The following MAP2K5 variants were observed in gnomAD, a reference collection of about 807,000 sequenced individuals.
MAP2K5 encodes mitogen-activated protein kinase kinase 5.
A neutral mutation model predicts 83.1 loss-of-function variants in MAP2K5; 49 were observed. The ratio of observed to expected loss-of-function variants is 0.59; its 90% confidence interval spans 0.47 to 0.75. MAP2K5 has a LOEUF of 0.75. MAP2K5 is among the 30% of genes least tolerant of loss of function. MAP2K5 has a pLI of 0.00. For missense variants in MAP2K5, 457 were observed against 557.5 expected, an observed-to-expected ratio of 0.82 and a Z score of 1.82; for synonymous variants, 202 against 191.8, an observed-to-expected ratio of 1.05 and a Z score of -0.44.
intron 3 of MAP2K5, among the ~76,000 whole-genome samples, chr15:67,571,379 C>T (rs1302678481): frequency 2.0e-5 from 3 of 152,110 alleles, no homozygotes; most frequent in African/African-American, 2.4e-5. Context: ...CCCCACAATA[C>T]CTGTTTACTT....
At chr15:67,585,374 A>T (rs962333441) in intron 4 of MAP2K5, among the ~76,000 whole-genome samples, 1 of 152,236 alleles carries the variant, frequency 6.6e-6, no homozygotes, top group African/African-American at 2.4e-5. Context: ...TAATAAAATT[A>T]GTTATATATC....
chr15:67,748,473 C>A lies in MAP2K5; in HGVS notation c.1102-96C>A. Reference sequence around the variant, plus strand: ...AGTTTGCTGTTGTTGATTAATCTTGCTATATTTTATTGCATTAATGATTTT... The same window carrying A: ...AGTTTGCTGTTGTTGATTAATCTTGATATATTTTATTGCATTAATGATTTT... On this transcript the variant is annotated intron_variant, in intron 18 of 21. Coordinates refer to ENST00000178640, the MANE Select transcript of MAP2K5 (RefSeq NM_145160.3). This position sits in a 1 kb window ranked among gnomAD's most constrained non-coding sequence, Gnocchi z 4.0. 9.4e-7 allele frequency: 1 copy of A among 1,058,714 alleles called. No individual in the cohort carries two copies. Among genetic ancestry groups the A allele is most frequent in the East Asian group, 2.4e-5 (1 of 41,746 alleles). 65.6% of individuals were successfully genotyped at this position (1,058,714 alleles called of 1,614,324 possible). A position where few individuals can be genotyped will look rare whatever the true frequency, so the allele number is the denominator to read the frequency against.
chr15:67,554,199 A>G (rs555536569), intron 2 of MAP2K5, among the ~76,000 whole-genome samples: 2 of 152,168 alleles, frequency 1.3e-5, no homozygotes, highest in Non-Finnish European at 2.9e-5. Flanking sequence ...AGCTGGGACT[A>G]CAGGTGCATG....
chr15:67,641,328 T>A (rs1567329317), intron 9 of MAP2K5: 1 of 199,308 alleles, frequency 5.0e-6, no homozygotes, highest in African/African-American at 2.4e-5. Flanking sequence ...CCTCCCAAAT[T>A]TCCTTTCTGA....
chr15:67,599,109 T>C (rs2085594108), intron 7 of MAP2K5, among the ~76,000 whole-genome samples: 1 of 152,256 alleles, frequency 6.6e-6, no homozygotes, highest in Admixed American at 6.5e-5. Flanking sequence ...TTCATGCTGC[T>C]TTAAAATTTA....
Position 67,638,510 on chromosome 15 carries a change from G to A in MAP2K5, c.585+7583G>A, listed in dbSNP as rs938613997. Among the ~76,000 whole-genome samples the A allele has an allele frequency of 1.3e-5, 2 of 152,232 alleles. No individual in the cohort carries two copies. The highest frequency in any genetic ancestry group is 4.1e-4 in the South Asian group (2 of 4,822). ...AGGTTGATTCCATGTCTTTGCTATT[G>A]CGAATAGTGCTGCAATGACCATTTG... On this transcript the variant is annotated intron_variant, in intron 9 of 21. Transcript: ENST00000178640. The surrounding 1 kb of genome is among the most constrained non-coding windows in gnomAD (Gnocchi z 4.5).
At chr15:67,788,303 A>T (rs1189464209) in intron 21 of MAP2K5, among the ~76,000 whole-genome samples, 1 of 152,230 alleles carries the variant, frequency 6.6e-6, no homozygotes, top group African/African-American at 2.4e-5. Flanking sequence ...GGCCTCAGCC[A>T]GTCAGCAGCC....
intron 8 of MAP2K5, among the ~76,000 whole-genome samples, chr15:67,612,745 T>C (rs554942187): frequency 6.6e-6 from 1 of 152,286 alleles, no homozygotes; most frequent in South Asian, 2.1e-4. Context: ...TGCAGAATGG[T>C]AGCTGCAGCG....
chr15:67,646,136 A>T, intron 9 of MAP2K5, 95 bp from the exon 10 acceptor site: 1 of 571,234 alleles, frequency 1.8e-6, no homozygotes. Context: ...GGGGAAGAAT[A>T]AAGGAACTAC....
chr15:67,664,668 T>C, intron 13 of MAP2K5, 23 bp downstream of exon 13: 1 of 1,569,614 alleles, frequency 6.4e-7, no homozygotes, highest in Non-Finnish European at 8.7e-7. Flanking sequence ...CTTATAAGCT[T>C]GGATTTAATT....
At chr15:67,588,188 C>A in intron 6 of MAP2K5, 3 of 722,380 alleles carry the variant, frequency 4.2e-6, no homozygotes, top group African/African-American at 1.9e-5. Flanking sequence ...AGCTTGCTGG[C>A]CCACCTCTGT....
At chr15:67,712,104 T>TC (rs2088705274) in intron 16 of MAP2K5, among the ~76,000 whole-genome samples, 1 of 152,164 alleles carries the variant, frequency 6.6e-6, no homozygotes. Context: ...GAAGTCTGGG[T>TC]CCCATTACTA....
At chr15:67,718,261 A>C (rs1229423309) in intron 16 of MAP2K5, 1 of 152,216 alleles carries the variant, frequency 6.6e-6, no homozygotes, top group East Asian at 1.9e-4. Context: ...ATTTCAGAGA[A>C]TGGTTTAGAA....
intron 17 of MAP2K5, among the ~76,000 whole-genome samples, chr15:67,729,556 G>A (rs1047392546): frequency 2.6e-5 from 4 of 152,014 alleles, no homozygotes; most frequent in African/African-American, 9.7e-5. Context: ...GGATCACGAG[G>A]TCAGGAGATT....
chr15:67,693,154 C>G (rs2088158994), intron 14 of MAP2K5, among the ~76,000 whole-genome samples: 1 of 152,212 alleles, frequency 6.6e-6, no homozygotes, highest in African/African-American at 2.4e-5. Flanking sequence ...TCTAGTAATG[C>G]ATGGGGCTTC....
At chr15:67,789,669 C>G (rs1031202509) in intron 21 of MAP2K5, among the ~76,000 whole-genome samples, 1 of 151,324 alleles carries the variant, frequency 6.6e-6, no homozygotes, top group Admixed American at 6.6e-5. Flanking sequence ...GAGCCGAGAT[C>G]GCACCATTGC....
At chr15:67,673,131 A>T (rs1392786800) in intron 13 of MAP2K5, among the ~76,000 whole-genome samples, 2 of 151,992 alleles carry the variant, frequency 1.3e-5, no homozygotes, top group South Asian at 2.1e-4. Flanking sequence ...CTTAGGATTG[A>T]CTTGGCAATG....
chr15:67,720,090 C>T lies in MAP2K5; in HGVS notation c.1045-7826C>T, dbSNP rs989703588. Among the ~76,000 whole-genome samples, 2 of 152,018 alleles carry T rather than the reference C, an allele frequency of 1.3e-5. No individual in the cohort carries two copies. The highest frequency in any genetic ancestry group is 2.9e-5 in the Non-Finnish European group (2 of 68,010). On this transcript the variant is annotated intron_variant, in intron 16 of 21. Transcript: ENST00000178640. This position sits in a 1 kb window ranked among gnomAD's most constrained non-coding sequence, Gnocchi z 5.7. Reference sequence around the variant, plus strand: ...CATTTTTAAATTGAGGGTTTTTTCCCCTTTTTTATTTATCAATTAGCTGCC... The same window carrying T: ...CATTTTTAAATTGAGGGTTTTTTCCTCTTTTTTATTTATCAATTAGCTGCC...
rs539944405 is a variant in MAP2K5, at chr15:67,652,227, G to A, written c.736+5758G>A. Among the ~76,000 whole-genome samples, 10 of 152,026 alleles carry A rather than the reference G, an allele frequency of 6.6e-5. No homozygotes were observed. In the South Asian group the frequency reaches 1.2e-3, roughly 19 times the overall value. ...GGTTTTCGGGGTGTGTCATTAGTGC[G>A]TGTTTTTTTTAAATTATGATATAAT... On this transcript the variant is annotated intron_variant, in intron 11 of 21. Transcript: ENST00000178640. The surrounding 1 kb of genome is among the most constrained non-coding windows in gnomAD (Gnocchi z 4.2).
Sources: gnomAD v4.1 joint callset for allele counts (sites outside exome capture counted in the v4.1 genomes callset) on GRCh38, gnomAD v4.1.1 for gene constraint, Gnocchi (gnomAD v3.1) non-coding constraint, MANE v1.5 for transcripts, NCBI Gene and HGNC (gene_info 2026-07-23, HGNC 2026-07-21) for gene names.